GPHN: variants seen among roughly 807,000 people sequenced by gnomAD.
GPHN encodes gephyrin.
A neutral mutation model predicts 95.5 loss-of-function variants in GPHN; 17 were observed. The ratio of observed to expected loss-of-function variants is 0.18; its 90% CI spans 0.12 to 0.27. GPHN has a LOEUF of 0.27. Ranked by LOEUF, GPHN falls within the 10% of genes least tolerant of loss-of-function variation. GPHN has a pLI of 1.00. For synonymous variants in GPHN, 320 were observed against 322.5 expected (o/e 0.99, Z 0.08); for missense variants, 660 against 978.1 (o/e 0.67, Z 4.34).
At chr14:67,533,110 A>C in the GPHN span, among the ~76,000 whole-genome samples, 11 of 152,118 alleles carry the variant, frequency 7.2e-5, no homozygotes, top group Non-Finnish European at 1.3e-4. Flanking sequence ...AGCTGAGCCC[A>C]GCGCTCTGCC....
At chr14:67,071,834 G>A (rs1178429322) in intron 11 of GPHN, among the ~76,000 whole-genome samples, 1 of 151,616 alleles carries the variant, frequency 6.6e-6, no homozygotes, top group African/African-American at 2.4e-5. Context: ...AAATGAAATA[G>A]AAAATTGAAA....
chr14:67,198,416 G>A, the GPHN span: 1 of 1,202,138 alleles, frequency 8.3e-7, no homozygotes, highest in Non-Finnish European at 1.2e-6. Context: ...TTTTAAATGT[G>A]CCGAGGGAAT....
chr14:67,490,552 G>C, the GPHN span, among the ~76,000 whole-genome samples: 1 of 152,158 alleles, frequency 6.6e-6, no homozygotes, highest in Non-Finnish European at 1.5e-5. Flanking sequence ...ATGCACATAG[G>C]ATTCACTTCC....
the GPHN span, chr14:67,199,907 CAGGACA>C: frequency 6.8e-7 from 1 of 1,477,898 alleles, no homozygotes; most frequent in East Asian, 2.3e-5. Context: ...ACCCCAGGGG[CAGGACA>C]TCCTGGTCAT....
intron 2 of GPHN, among the ~76,000 whole-genome samples, chr14:66,696,514 G>A (rs1019648439): frequency 1.3e-4 from 20 of 152,146 alleles, no homozygotes; most frequent in East Asian, 3.8e-4. Flanking sequence ...TAGAAATATC[G>A]AAAGACACTG....
At chr14:67,307,561 A>G in the GPHN span, among the ~76,000 whole-genome samples, 2 of 152,250 alleles carry the variant, frequency 1.3e-5, no homozygotes, top group Admixed American at 6.5e-5. Context: ...AACCACTGCT[A>G]TCAAATACAT....
chr14:66,763,873 A>G (rs755275959), intron 2 of GPHN, among the ~76,000 whole-genome samples: 1 of 152,106 alleles, frequency 6.6e-6, no homozygotes, highest in Non-Finnish European at 1.5e-5. Flanking sequence ...CAGTGGCAGC[A>G]TTAGATTCTC....
At chr14:66,885,977 A>G (rs565111253) in intron 5 of GPHN, among the ~76,000 whole-genome samples, 2 of 152,284 alleles carry the variant, frequency 1.3e-5, no homozygotes, top group South Asian at 4.1e-4. Context: ...TCAAATGAAA[A>G]CAATAAATTG....
chr14:67,721,041 T>A, the GPHN span: 1 of 152,242 alleles, frequency 6.6e-6, no homozygotes, highest in Non-Finnish European at 1.5e-5. Context: ...TCCTAGTATG[T>A]TGCACAATTC....
In GPHN at chr14:66,587,766, C is replaced by G. The variant is rs944153384; in HGVS notation, c.64+79175C>G. Among the ~76,000 whole-genome samples the G allele has an allele frequency of 3.9e-5, 6 of 152,188 alleles. No homozygotes were observed. The South Asian group carries it at 8.3e-4, about 21-fold the overall frequency. On this transcript the variant is annotated intron_variant, in intron 1 of 22. Transcript: ENST00000478722. ...GTGCTTATAGATAAAACTCCCATCT[C>G]CCTAGGACAGAGCACCTGGGGGAAT...
chr14:67,577,442 C>T, the GPHN span: 17 of 1,359,454 alleles, frequency 1.3e-5, no homozygotes, highest in South Asian at 1.2e-4. Context: ...CCAGGCCCAC[C>T]GCTGGGATAC....
chr14:67,534,311 G>T, the GPHN span, among the ~76,000 whole-genome samples: 16 of 152,158 alleles, frequency 1.1e-4, no homozygotes, highest in Middle Eastern at 3.2e-3. Flanking sequence ...AGTTGCAGTG[G>T]CTTATGCCTG....
chr14:67,203,493 T>C, the GPHN span, among the ~76,000 whole-genome samples: 4 of 152,190 alleles, frequency 2.6e-5, no homozygotes, highest in African/African-American at 9.7e-5. Flanking sequence ...AGTTAATTTT[T>C]AAAAAACTAA....
At chr14:67,578,707 C>A in the GPHN span, 2 of 934,322 alleles carry the variant, frequency 2.1e-6, no homozygotes, top group East Asian at 2.6e-5. This position sits in a 1 kb window ranked among gnomAD's most constrained non-coding sequence, Gnocchi z 5.0. Flanking sequence ...TGAGAGGAGT[C>A]TAGGGCAGAC....
At chr14:67,320,469 G>T in the GPHN span, 1 of 1,376,524 alleles carries the variant, frequency 7.3e-7, no homozygotes, top group Non-Finnish European at 9.6e-7. Flanking sequence ...ATATCATGTA[G>T]GGAAATTTTT....
chr14:67,323,752 T>G, the GPHN span: 1 of 1,606,248 alleles, frequency 6.2e-7, no homozygotes, highest in Non-Finnish European at 8.5e-7. Context: ...TTATCTTCAT[T>G]GCACCCCCTT....
the GPHN span, among the ~76,000 whole-genome samples, chr14:67,245,536 G>T: frequency 1.3e-5 from 2 of 151,602 alleles, no homozygotes; most frequent in African/African-American, 4.9e-5. Flanking sequence ...TTTTCTTTAG[G>T]GATGGGGTCT....
chr14:66,852,370 G>C (rs2062618968), intron 4 of GPHN, among the ~76,000 whole-genome samples: 1 of 152,130 alleles, frequency 6.6e-6, no homozygotes, highest in Non-Finnish European at 1.5e-5. Context: ...CAGTTGAGGA[G>C]GGAAAAAAAT....
At chr14:66,787,945 A>G (rs2059838175) in intron 3 of GPHN, among the ~76,000 whole-genome samples, 1 of 152,072 alleles carries the variant, frequency 6.6e-6, no homozygotes, top group Admixed American at 6.6e-5. Flanking sequence ...GAGGCCTTAG[A>G]CTCAACACAA....
Sources: allele counts gnomAD v4.1 joint callset (sites outside exome capture counted in the v4.1 genomes callset), GRCh38; gene constraint gnomAD v4.1.1; non-coding constraint Gnocchi (gnomAD v3.1); transcripts MANE v1.5; gene names NCBI Gene and HGNC (gene_info 2026-07-23, HGNC 2026-07-21).